The following GNAL variants were observed in gnomAD, a reference collection of about 807,000 sequenced individuals.
GNAL encodes the protein G protein subunit alpha L, also known as guanine nucleotide-binding protein G(olf) subunit alpha.
In GNAL, 18 loss-of-function variants were observed where a neutral mutation model predicts 55.1. The ratio of observed to expected loss-of-function variants is 0.33; its 90% CI spans 0.23 to 0.48. The LOEUF is 0.48. GNAL is among the 20% of genes least tolerant of loss of function. GNAL has a pLI of 0.99. For synonymous variants in GNAL, 253 were observed against 237.0 expected (o/e 1.07, Z -0.62); for missense variants, 412 against 614.1 (o/e 0.67, Z 3.48).
intron 1 of GNAL, among the ~76,000 whole-genome samples, chr18:11,691,730 T>C (rs2031253694): frequency 6.6e-6 from 1 of 152,194 alleles, no homozygotes; most frequent in African/African-American, 2.4e-5. Flanking sequence ...CCTTTCCCCA[T>C]TGCTTGTTTT....
intron 4 of GNAL, among the ~76,000 whole-genome samples, chr18:11,794,253 A>G (rs577699455): frequency 6.6e-5 from 10 of 152,350 alleles, no homozygotes; most frequent in African/African-American, 2.4e-4. Context: ...AATCACTGAA[A>G]GCAGAGGATC....
chr18:11,808,542 T>G (rs2034724341), intron 4 of GNAL, among the ~76,000 whole-genome samples: 1 of 152,236 alleles, frequency 6.6e-6, no homozygotes, highest in Admixed American at 6.5e-5. Flanking sequence ...TATTAAATGT[T>G]CAGAGAGGAA....
chr18:11,803,505 G>C (rs1382433964), intron 4 of GNAL, among the ~76,000 whole-genome samples: 1 of 152,064 alleles, frequency 6.6e-6, no homozygotes, highest in Admixed American at 6.6e-5. Flanking sequence ...GGTTGCTTGG[G>C]GTTTTTTGTT....
At chr18:11,702,387 C>T (rs375028017) in intron 1 of GNAL, 8 of 152,410 alleles carry the variant, frequency 5.2e-5, no homozygotes, top group Admixed American at 4.6e-4. Flanking sequence ...AAATGAACCA[C>T]AAGCCCACAG....
chr18:11,763,809 A>G (rs1675409847), intron 4 of GNAL, among the ~76,000 whole-genome samples: 1 of 152,234 alleles, frequency 6.6e-6, no homozygotes, highest in African/African-American at 2.4e-5. Flanking sequence ...CAGCCATGAC[A>G]TTTAACTTCC....
At chr18:11,692,581 C>A (rs2031284206) in intron 1 of GNAL, among the ~76,000 whole-genome samples, 1 of 151,948 alleles carries the variant, frequency 6.6e-6, no homozygotes, top group Non-Finnish European at 1.5e-5. Context: ...TGCAAGTACT[C>A]AAAGTATACC....
At position 11,864,590 on chromosome 18, in the gene GNAL, G is replaced by A; in HGVS notation, c.835G>A (p.Asp279Asn). 6.4e-7 allele frequency: 1 copy of A among 1,570,890 alleles called. No individual in the cohort carries two copies. The change falls in exon 7 of 12, where the codon GAC becomes AAC. Residue 279 changes from aspartate to asparagine, a missense_variant. Coordinates refer to ENST00000334049, the MANE Select transcript of GNAL (RefSeq NM_182978.4). ...SGIFETRFQV[D>N]KVNFHMFDVG... Reference sequence around the variant, plus strand: ...GATTTTTGAGACACGATTCCAAGTGGACAAAGTAAACTTCCAGTGAGTATG... The same window carrying A: ...GATTTTTGAGACACGATTCCAAGTGAACAAAGTAAACTTCCAGTGAGTATG...
At chr18:11,824,747 A>G (rs1568044120) in intron 4 of GNAL, among the ~76,000 whole-genome samples, 171 bp from the exon 5 acceptor site, 2 of 152,150 alleles carry the variant, frequency 1.3e-5, no homozygotes, top group African/African-American at 4.8e-5. Context: ...GCATGCATAC[A>G]TTTTTTATCA....
chr18:11,747,113 A>C (rs904265007), intron 1 of GNAL: 1 of 411,718 alleles, frequency 2.4e-6, no homozygotes, highest in African/African-American at 2.1e-5. Context: ...TTCTCAGCGC[A>C]GATCGAACTG....
chr18:11,844,628 A>G (rs2143750165), intron 5 of GNAL, among the ~76,000 whole-genome samples: 1 of 152,228 alleles, frequency 6.6e-6, no homozygotes, highest in South Asian at 2.1e-4. Flanking sequence ...AGCTGCACAC[A>G]CATGTCCCCG....
rs1244907958 is a variant in GNAL at position 11,882,006 on chromosome 18, G to GA, written c.*877dup. On this transcript the variant is annotated 3_prime_UTR_variant, in exon 12 of 12. Coordinates refer to ENST00000334049, the MANE Select transcript of GNAL (RefSeq NM_182978.4). Reference sequence around the variant, plus strand: ...GTCAACATTACCTGCTGCTTACTCTGAAAAAAGGAATGAATGGTAGCTGTA... The same window carrying GA: ...GTCAACATTACCTGCTGCTTACTCTGAAAAAAAGGAATGAATGGTAGCTGTA... 2.0e-5 allele frequency: 3 copies of GA among 152,552 alleles called. No homozygotes were observed. Among genetic ancestry groups the GA allele is most frequent in the Admixed American group, 6.5e-5 (1 of 15,302 alleles). The allele number at this position is 152,552 out of a possible 1,614,324, so 9.4% of individuals were successfully genotyped here. A position where few individuals can be genotyped will look rare whatever the true frequency, so the allele number is the denominator to read the frequency against.
chr18:11,802,997 G>A (rs2034558914), intron 4 of GNAL, among the ~76,000 whole-genome samples: 1 of 152,154 alleles, frequency 6.6e-6, no homozygotes, highest in African/African-American at 2.4e-5. Flanking sequence ...GATGACGAGA[G>A]GCTTTAGGTT....
intron 1 of GNAL, among the ~76,000 whole-genome samples, chr18:11,733,145 T>C (rs1568002337): frequency 3.3e-5 from 5 of 152,216 alleles, no homozygotes; most frequent in Admixed American, 1.3e-4. Context: ...CTGGTGGCGC[T>C]GTGGCACAGG....
chr18:11,809,486 A>G (rs763540430), intron 4 of GNAL, among the ~76,000 whole-genome samples: 1 of 152,210 alleles, frequency 6.6e-6, no homozygotes, highest in Admixed American at 6.5e-5. Flanking sequence ...ACATGAAAAA[A>G]TAGAAAGAGG....
At chr18:11,831,306 T>A (rs1472137868) in intron 5 of GNAL, among the ~76,000 whole-genome samples, 1 of 152,162 alleles carries the variant, frequency 6.6e-6, no homozygotes. Context: ...TCAGGCCTCC[T>A]TGGTGAGTCA....
intron 1 of GNAL, among the ~76,000 whole-genome samples, chr18:11,734,070 C>T (rs1449496724): frequency 1.3e-5 from 2 of 151,920 alleles, no homozygotes; most frequent in Non-Finnish European, 2.9e-5. Context: ...TCAGATGAAA[C>T]CATCTTTCCA....
rs149187779 is a variant in GNAL, at chr18:11,883,584, G to A, written c.*2449G>A. The A allele has an allele frequency of 3.3e-4, 50 of 153,640 alleles. No homozygotes were observed. Among genetic ancestry groups the A allele is most frequent in the African/African-American group, 1.0e-3 (42 of 41,540 alleles). 9.5% of individuals were successfully genotyped at this position (153,640 alleles called of 1,614,324 possible). A position where few individuals can be genotyped will look rare whatever the true frequency, so the allele number is the denominator to read the frequency against. ...GACAGGCATTAACAGATGTAGCAAC[G>A]TGGTCTCCTATAGAGAAAATTACAC... On this transcript the variant is annotated 3_prime_UTR_variant, in exon 12 of 12. Transcript: ENST00000334049.
At chr18:11,695,176 C>G (rs1202313793) in intron 1 of GNAL, among the ~76,000 whole-genome samples, 1 of 152,242 alleles carries the variant, frequency 6.6e-6, no homozygotes, top group African/African-American at 2.4e-5. Context: ...CTTCATCCCA[C>G]TGTTGCTTTG....
intron 5 of GNAL, among the ~76,000 whole-genome samples, chr18:11,845,644 C>T (rs2035715433): frequency 1.3e-5 from 2 of 151,688 alleles, no homozygotes; most frequent in African/African-American, 4.8e-5. Context: ...CTAGAGGAGT[C>T]AGAGAGAAAT....
Sources: gnomAD v4.1 joint callset for allele counts (sites outside exome capture counted in the v4.1 genomes callset) on GRCh38, gnomAD v4.1.1 for gene constraint, MANE v1.5 for transcripts, NCBI Gene and HGNC (gene_info 2026-07-23, HGNC 2026-07-21) for gene names.